Variants in PPP3CA observed in about 807,000 individuals in gnomAD.
The protein encoded by PPP3CA is protein phosphatase 3 catalytic subunit alpha.
A neutral mutation model predicts 66.5 loss-of-function variants in PPP3CA; 14 were observed. That is an observed-to-expected ratio of 0.21 (90% CI 0.14 to 0.33). The LOEUF is 0.33. Ranked by LOEUF, PPP3CA falls within the 10% of genes least tolerant of loss-of-function variation. The pLI is 1.00. For missense variants in PPP3CA, 317 were observed against 639.5 expected (o/e 0.50, Z 5.44); for synonymous variants, 232 against 226.2 (o/e 1.03, Z -0.23).
At chr4:101,148,525 C>A (rs1296674687) in intron 2 of PPP3CA, among the ~76,000 whole-genome samples, 11 of 152,090 alleles carry the variant, frequency 7.2e-5, no homozygotes, top group Non-Finnish European at 1.6e-4. Context: ...TAGTGAATTT[C>A]TTAGAGATAT....
chr4:101,310,586 T>C (rs1728691098), intron 1 of PPP3CA, among the ~76,000 whole-genome samples: 1 of 152,016 alleles, frequency 6.6e-6, no homozygotes, highest in Admixed American at 6.6e-5. Flanking sequence ...GGTGGGAGGA[T>C]CACTTCAGCC....
At chr4:101,146,528 C>T (rs1256697476) in intron 2 of PPP3CA, among the ~76,000 whole-genome samples, 2 of 151,926 alleles carry the variant, frequency 1.3e-5, no homozygotes, top group Non-Finnish European at 2.9e-5. Context: ...CTGCAACCTC[C>T]GCCTCCTGGG....
At chr4:101,328,437 T>C (rs1241047112) in intron 1 of PPP3CA, among the ~76,000 whole-genome samples, 1 of 152,198 alleles carries the variant, frequency 6.6e-6, no homozygotes, top group Non-Finnish European at 1.5e-5. Flanking sequence ...AATTCACATT[T>C]GCATCTAAAA....
At chr4:101,279,814 T>C (rs1172887836) in intron 1 of PPP3CA, among the ~76,000 whole-genome samples, 1 of 152,090 alleles carries the variant, frequency 6.6e-6, no homozygotes, top group Admixed American at 6.6e-5. Flanking sequence ...AAGAAGAAGC[T>C]AGAATGAGCA....
chr4:101,134,925 T>C (rs139574672), intron 2 of PPP3CA, among the ~76,000 whole-genome samples: 4,017 of 152,236 alleles, frequency 0.026, 196 homozygotes, highest in African/African-American at 0.09. Flanking sequence ...TGCTGGGACA[T>C]GGATGAAGCT....
At chr4:101,106,092 G>A (rs1730653895) in intron 3 of PPP3CA, among the ~76,000 whole-genome samples, 1 of 151,996 alleles carries the variant, frequency 6.6e-6, no homozygotes. Context: ...GGAGGTCAGG[G>A]TGGGAGAATT....
At chr4:101,319,676 T>G (rs1409567360) in intron 1 of PPP3CA, among the ~76,000 whole-genome samples, 2 of 152,070 alleles carry the variant, frequency 1.3e-5, no homozygotes, top group African/African-American at 2.4e-5. Context: ...GTTAAAAAAT[T>G]GAGGTAAGAA....
chr4:101,296,960 T>C (rs1345021984), intron 1 of PPP3CA, among the ~76,000 whole-genome samples: 1 of 152,192 alleles, frequency 6.6e-6, no homozygotes, highest in Non-Finnish European at 1.5e-5. Flanking sequence ...TGAAATAACA[T>C]GTATTTAAAA....
intron 1 of PPP3CA, among the ~76,000 whole-genome samples, chr4:101,259,482 C>T (rs1016910016): frequency 2.0e-5 from 3 of 152,020 alleles, no homozygotes; most frequent in Non-Finnish European, 4.4e-5. Flanking sequence ...GGCACCATTT[C>T]CTTACAGGTC....
At chr4:101,054,966 T>G (rs1292868391) in intron 10 of PPP3CA, among the ~76,000 whole-genome samples, 2 of 152,140 alleles carry the variant, frequency 1.3e-5, no homozygotes, top group Admixed American at 1.3e-4. Flanking sequence ...GTATTCACTT[T>G]ATTATTTTTT....
intron 8 of PPP3CA, among the ~76,000 whole-genome samples, chr4:101,079,217 C>T (rs1729326608): frequency 6.6e-6 from 1 of 152,112 alleles, no homozygotes; most frequent in Admixed American, 6.5e-5. Flanking sequence ...AGGCCTGGGC[C>T]AGGAAGACAC....
intron 8 of PPP3CA, among the ~76,000 whole-genome samples, chr4:101,068,270 C>G (rs927151865): frequency 1.3e-5 from 2 of 152,122 alleles, no homozygotes; most frequent in African/African-American, 2.4e-5. Context: ...GCATAATAGA[C>G]CCAGGATGTT....
At chr4:101,235,594 T>C (rs1726102152) in intron 1 of PPP3CA, among the ~76,000 whole-genome samples, 1 of 151,850 alleles carries the variant, frequency 6.6e-6, no homozygotes, top group Admixed American at 6.6e-5. Context: ...ATTGTTTATG[T>C]TTCTCTATAA....
At chr4:101,078,037 G>A (rs1729268139) in intron 8 of PPP3CA, among the ~76,000 whole-genome samples, 1 of 152,070 alleles carries the variant, frequency 6.6e-6, no homozygotes, top group South Asian at 2.1e-4. Context: ...TTTAGAAACT[G>A]TTGGGAAACT....
chr4:101,207,970 T>G (rs1442922966), intron 1 of PPP3CA, among the ~76,000 whole-genome samples: 1 of 152,170 alleles, frequency 6.6e-6, no homozygotes, highest in Admixed American at 6.5e-5. Flanking sequence ...TTCAGTTCCA[T>G]AAGTTTTTCA....
chr4:101,110,911 C>A (rs1398940385), intron 2 of PPP3CA, among the ~76,000 whole-genome samples: 1 of 151,570 alleles, frequency 6.6e-6, no homozygotes, highest in African/African-American at 2.4e-5. Flanking sequence ...TAGTAAAACA[C>A]TTCTTAAAAC....
At chr4:101,121,448 T>C (rs1722027736) in intron 2 of PPP3CA, among the ~76,000 whole-genome samples, 1 of 152,232 alleles carries the variant, frequency 6.6e-6, no homozygotes, top group African/African-American at 2.4e-5. Flanking sequence ...ATAAGTGTCT[T>C]TAAAAATCCT....
intron 8 of PPP3CA, among the ~76,000 whole-genome samples, chr4:101,064,897 C>A (rs1302892822): frequency 1.3e-5 from 2 of 151,930 alleles, no homozygotes; most frequent in Non-Finnish European, 2.9e-5. Context: ...TTTTTAGCAG[C>A]CTGCATTTAA....
At chr4:101,288,272 G>A (rs1195001733) in intron 1 of PPP3CA, among the ~76,000 whole-genome samples, 1 of 152,146 alleles carries the variant, frequency 6.6e-6, no homozygotes, top group Non-Finnish European at 1.5e-5. Context: ...GAATGAATTG[G>A]TGTTGTAGAG....
Sources: allele counts gnomAD v4.1 joint callset (sites outside exome capture counted in the v4.1 genomes callset), GRCh38; gene constraint gnomAD v4.1.1; transcripts MANE v1.5; gene names NCBI Gene and HGNC (gene_info 2026-07-23, HGNC 2026-07-21).